Variants in INTS3 observed in about 807,000 individuals in gnomAD.
The protein encoded by INTS3 is SOSS complex subunit A.
INTS3 carries 34 observed loss-of-function variants against 146.3 expected under a neutral mutation model. The ratio of observed to expected loss-of-function variants is 0.23; its 90% CI spans 0.18 to 0.31. The LOEUF (loss-of-function observed/expected upper bound fraction) is 0.31. Ranked by LOEUF, INTS3 falls within the 10% of genes least tolerant of loss-of-function variation. INTS3 has a pLI of 1.00. For missense variants in INTS3, 757 were observed against 1,304.2 expected, an observed-to-expected ratio of 0.58 and a Z score of 6.46; for synonymous variants, 475 against 494.9, an observed-to-expected ratio of 0.96 and a Z score of 0.53.
Position 153,741,301 on chromosome 1 carries a change from C to T in INTS3, c.251C>T (p.Pro84Leu). The stretch of plus-strand genomic sequence containing the variant: ...ACATTCCAGGTGTGCAAAGGCCTCC[C>T]CCAGCATGAAGAAATCTGCCTGGGC... ...ALNAYVCKGL[P>L]QHEEICLGLF... Residue 84 changes from proline to leucine, a missense_variant, in exon 3 of 30, where the codon CCC becomes CTC. Pro to Leu is a moderately conservative substitution (Grantham distance 98). Coordinates refer to ENST00000318967, the MANE Select transcript of INTS3 (RefSeq NM_023015.5). 6.2e-7 allele frequency: 1 copy of T among 1,614,010 alleles called. No homozygotes were observed. Among genetic ancestry groups the T allele is most frequent in the South Asian group, 1.1e-5 (1 of 91,076 alleles).
Position 153,770,692 on chromosome 1 carries a change from A to G in INTS3, c.2511A>G (p.Pro837=). The part of the protein sequence containing the change: ...ILQHLKYKEH[P]EALSCLLLQL... ...TCTGCCCTTCCCTCACAGAGCACCC[A>G]GAGGCCCTGTCCTGCCTACTGCTTC... The change falls in exon 25 of 30, where the codon CCA becomes CCG. Residue 837 remains proline (P), a synonymous_variant. Transcript: ENST00000318967. 2 of 1,613,710 alleles carry G rather than the reference A, an allele frequency of 1.2e-6. No individual in the cohort carries two copies. The highest frequency in any genetic ancestry group is 1.7e-4 in the Middle Eastern group (1 of 6,060).
chr1:153,729,638 C>T (rs966702911), intron 1 of INTS3, among the ~76,000 whole-genome samples: 2 of 152,264 alleles, frequency 1.3e-5, no homozygotes, highest in Non-Finnish European at 1.5e-5. Flanking sequence ...GAGACCGAGG[C>T]AGGCGGATCA....
At position 153,772,478 on chromosome 1, in the gene INTS3, C is replaced by G. The variant is rs1672934130; in HGVS notation, c.2821+38C>G. 6.2e-7 allele frequency: 1 copy of G among 1,613,848 alleles called. No individual in the cohort carries two copies. Among genetic ancestry groups the G allele is most frequent in the Non-Finnish European group, 8.5e-7 (1 of 1,179,962 alleles). ...CCCTCGGCGTCCAGTGTAGACGGTG[C>G]TGCCCTGGCCCAGACTATGCCTGGA... On this transcript the variant is annotated intron_variant, in intron 27 of 29. Coordinates refer to ENST00000318967, the MANE Select transcript of INTS3 (RefSeq NM_023015.5). The surrounding 1 kb of genome is among the most constrained non-coding windows in gnomAD (Gnocchi z 4.6).
intron 9 of INTS3, 62 bp downstream of exon 9, chr1:153,754,801 CTG>C: frequency 9.6e-7 from 1 of 1,038,788 alleles, no homozygotes; most frequent in South Asian, 1.3e-5. Flanking sequence ...TTGCTTCGGT[CTG>C]TGGAGCTGTT....
At chr1:153,748,787 C>A (rs777722981) in intron 6 of INTS3, 32 bp downstream of exon 6, 36 of 1,546,158 alleles carry the variant, frequency 2.3e-5, no homozygotes, top group Non-Finnish European at 3.2e-5. Flanking sequence ...GGGGTACAGG[C>A]CAGATAATGG....
chr1:153,767,420 C>T (rs1018439479), intron 20 of INTS3: 35 of 403,726 alleles, frequency 8.7e-5, no homozygotes, highest in Admixed American at 1.3e-4. Context: ...GACTCTCATC[C>T]GGCAGTAGCT....
chr1:153,745,655 GA>G (rs79582507), intron 3 of INTS3, among the ~76,000 whole-genome samples: 4,262 of 114,436 alleles, frequency 0.037, 90 homozygotes, highest in Non-Finnish European at 0.046. Context: ...GAGACAGAGT[GA>G]AAAAAAAAAA....
chr1:153,728,153 C>G lies in INTS3; in HGVS notation c.-482C>G, dbSNP rs1000734252. The G allele has an allele frequency of 4.3e-5, 17 of 397,784 alleles. No individual in the cohort carries two copies. Among genetic ancestry groups the G allele is most frequent in the Admixed American group, 1.8e-4 (4 of 22,656 alleles). The allele number at this position is 397,784 out of a possible 1,614,324, so 24.6% of individuals were successfully genotyped here. The stretch of plus-strand genomic sequence containing the variant: ...AGCGCTTATTGCCTCACCCTCACCC[C>G]CTAGGGGCCGGATCCAAAGGCGCTG... On this transcript the variant is annotated 5_prime_UTR_variant, in exon 1 of 30. Transcript: ENST00000318967.
At chr1:153,747,535 A>G in intron 5 of INTS3, 172 bp downstream of exon 5, 2 of 626,284 alleles carry the variant, frequency 3.2e-6, no homozygotes, top group Non-Finnish European at 5.7e-6. Context: ...AATTGATTGA[A>G]AAATCATGGG....
Position 153,772,418 on chromosome 1 carries a change from C to G in INTS3, c.2799C>G (p.Asn933Lys). Residue 933 changes from asparagine (N) to lysine (K), a missense_variant, in exon 27 of 30, where the codon AAC becomes AAG. By Grantham distance (94) the Asn-to-Lys change is moderately conservative. This residue lies in a region of INTS3 where 125 missense variants were observed against 165.6 expected (regional missense o/e 0.75). Transcript: ENST00000318967. This position sits in a 1 kb window ranked among gnomAD's most constrained non-coding sequence, Gnocchi z 4.6. ...AGCACTTGGACAATCTGCGGCTCAA[C>G]CTGACCAACACCAAGCAGAACTGTA... ...ILEHLDNLRL[N>K]LTNTKQNFFS... The G allele has an allele frequency of 6.2e-7, 1 of 1,614,144 alleles. No homozygotes were observed. Among genetic ancestry groups the G allele is most frequent in the Non-Finnish European group, 8.5e-7 (1 of 1,180,038 alleles).
At chr1:153,750,796 CAAAG>C (rs1671929112) in intron 6 of INTS3, 2 of 408,936 alleles carry the variant, frequency 4.9e-6, no homozygotes, top group Admixed American at 8.1e-5. Context: ...AATGAGTCAA[CAAAG>C]AGAGTTATTT....
In INTS3 at chr1:153,772,383, C is replaced by G; in HGVS notation, c.2764C>G (p.Gln922Glu). 1 of 1,614,114 alleles carries G rather than the reference C, an allele frequency of 6.2e-7. No individual in the cohort carries two copies. The part of the protein sequence containing the change: ...SSKLAQLTLE[Q>E]ILEHLDNLRL... ...CAAGCTGGCCCAGCTGACTCTGGAG[C>G]AGATCCTGGAGCACTTGGACAATCT... The change falls in exon 27 of 30, where the codon CAG (glutamine) becomes GAG (glutamate). Residue 922 changes from glutamine to glutamate, a missense_variant. Gln to Glu is a conservative substitution (Grantham distance 29, BLOSUM62 2). Around this residue, in one of 8 missense-constraint regions of INTS3, gnomAD observed 125 missense variants for 165.6 expected, o/e 0.75. Coordinates refer to ENST00000318967, the MANE Select transcript of INTS3 (RefSeq NM_023015.5). The surrounding 1 kb of genome is among the most constrained non-coding windows in gnomAD (Gnocchi z 4.6).
intron 1 of INTS3, among the ~76,000 whole-genome samples, chr1:153,734,192 C>T (rs866458415): frequency 6.6e-6 from 1 of 152,146 alleles, no homozygotes; most frequent in Non-Finnish European, 1.5e-5. Context: ...GCCATTCTGC[C>T]AGCAGTTGTT....
chr1:153,769,533 A>G (rs954653080), intron 22 of INTS3, among the ~76,000 whole-genome samples: 3 of 151,880 alleles, frequency 2.0e-5, no homozygotes, highest in African/African-American at 7.3e-5. Context: ...GGCTGTAACT[A>G]TTTTTGCCCA....
Position 153,734,971 on chromosome 1 carries a change from TG to T in INTS3, c.151-5679del, listed in dbSNP as rs1226068219. ...AGCTTCCCGCAAATTGAATAGTTTTTGTTTTGTTTTGTTTGAGACAAGGTCT... is the reference window on the plus strand; with the variant it reads ...AGCTTCCCGCAAATTGAATAGTTTTTTTTTGTTTTGTTTGAGACAAGGTCT... On this transcript the variant is annotated intron_variant, in intron 1 of 29. Transcript: ENST00000318967. Among the ~76,000 whole-genome samples the T allele has an allele frequency of 3.9e-5, 6 of 152,208 alleles. No homozygotes were observed. The South Asian group carries it at 1.2e-3, about 32-fold the overall frequency.
intron 3 of INTS3, among the ~76,000 whole-genome samples, chr1:153,745,790 G>A (rs1671710240): frequency 6.6e-6 from 1 of 152,160 alleles, no homozygotes; most frequent in African/African-American, 2.4e-5. Flanking sequence ...GAAGGAAAGG[G>A]CATCACAGAG....
At chr1:153,769,388 T>C (rs1395695604) in intron 22 of INTS3, among the ~76,000 whole-genome samples, 1 of 152,102 alleles carries the variant, frequency 6.6e-6, no homozygotes, top group Admixed American at 6.5e-5. Context: ...CCATTTCTCC[T>C]CCTCTCCACT....
chr1:153,743,749 G>A (rs1390556026), intron 3 of INTS3, among the ~76,000 whole-genome samples: 1 of 152,198 alleles, frequency 6.6e-6, no homozygotes, highest in Non-Finnish European at 1.5e-5. Flanking sequence ...GGCTAAGGTA[G>A]AGTCCTAAGC....
chr1:153,729,505 T>G (rs1670982091), intron 1 of INTS3, among the ~76,000 whole-genome samples: 1 of 152,214 alleles, frequency 6.6e-6, no homozygotes, highest in South Asian at 2.1e-4. Context: ...CCCAGCTTTC[T>G]CATTCTGCCA....
Sources: gnomAD v4.1 joint callset for allele counts (sites outside exome capture counted in the v4.1 genomes callset) on GRCh38, gnomAD v4.1.1 for gene constraint, gnomAD v4.1.1 regional missense constraint, Gnocchi (gnomAD v3.1) non-coding constraint, MANE v1.5 for transcripts, NCBI Gene and HGNC (gene_info 2026-07-23, HGNC 2026-07-21) for gene names.